The following PAIP2B variants were observed in gnomAD, a reference collection of about 807,000 sequenced individuals.
PAIP2B encodes the protein poly(A) binding protein interacting protein 2B.
In PAIP2B, 13 loss-of-function variants were observed where a neutral mutation model predicts 17.0. The ratio of observed to expected loss-of-function variants is 0.76; its 90% CI spans 0.50 to 1.22. The LOEUF is 1.22. Among genes scored for constraint, PAIP2B ranks in the 50% most tolerant of loss-of-function variants. The probability of loss-of-function intolerance (pLI) is 0.00; values close to 1 mark genes in which losing one functional copy is unlikely to be tolerated. For synonymous variants in PAIP2B, 43 were observed against 48.7 expected (o/e 0.88, Z 0.48); for missense variants, 117 against 144.5 (o/e 0.81, Z 0.98).
At chr2:71,196,357 G>A (rs541191019) in intron 2 of PAIP2B, among the ~76,000 whole-genome samples, 45 of 152,204 alleles carry the variant, frequency 3.0e-4, no homozygotes, top group Non-Finnish European at 5.4e-4. Context: ...TTTTTATTGT[G>A]CTGTGGTCCA....
At chr2:71,215,992 C>T (rs1435295092) in intron 1 of PAIP2B, among the ~76,000 whole-genome samples, 3 of 152,040 alleles carry the variant, frequency 2.0e-5, no homozygotes, top group Non-Finnish European at 4.4e-5. Flanking sequence ...AGTTGAGGTA[C>T]AAATCCTATA....
chr2:71,188,838 C>T (rs1674609452), intron 3 of PAIP2B, among the ~76,000 whole-genome samples: 2 of 152,066 alleles, frequency 1.3e-5, no homozygotes, highest in Non-Finnish European at 2.9e-5. Flanking sequence ...TTGGTGAAAA[C>T]CAGGGTACTC....
At chr2:71,208,105 C>A (rs1644745654) in intron 1 of PAIP2B, among the ~76,000 whole-genome samples, 1 of 151,968 alleles carries the variant, frequency 6.6e-6, no homozygotes, top group South Asian at 2.1e-4. Context: ...CATGACCCAG[C>A]ACTGATGTGT....
At chr2:71,197,911 G>A (rs1197629957) in intron 2 of PAIP2B, among the ~76,000 whole-genome samples, 1 of 152,154 alleles carries the variant, frequency 6.6e-6, no homozygotes, top group African/African-American at 2.4e-5. Flanking sequence ...CACAACACAT[G>A]GGAATTATGG....
chr2:71,188,366 C>CCT lies in PAIP2B; in HGVS notation c.*111_*112dup. 1 of 788,954 alleles carries CCT rather than the reference C, an allele frequency of 1.3e-6. No individual in the cohort carries two copies. Among genetic ancestry groups the CCT allele is most frequent in the South Asian group, 1.6e-5 (1 of 61,644 alleles). 48.9% of individuals were successfully genotyped at this position (788,954 alleles called of 1,614,324 possible). ...CACAGTATTGTGAGACCACCACTCC[C>CCT]CTTCCCGCTGTGCACCCCTCGCCCG... is the stretch of plus-strand genomic sequence containing the variant. On this transcript the variant is annotated 3_prime_UTR_variant, in exon 4 of 4. Transcript: ENST00000244221.
At chr2:71,194,133 GT>G (rs1262582841) in intron 2 of PAIP2B, among the ~76,000 whole-genome samples, 2 of 152,164 alleles carry the variant, frequency 1.3e-5, no homozygotes, top group African/African-American at 4.8e-5. Flanking sequence ...TTGCAGTATA[GT>G]TTGAAGTCAG....
intron 1 of PAIP2B, among the ~76,000 whole-genome samples, chr2:71,208,206 T>G (rs1487405226): frequency 2.0e-5 from 3 of 151,970 alleles, no homozygotes; most frequent in Non-Finnish European, 4.4e-5. Flanking sequence ...GGTGGATCAC[T>G]TGAGGTCAGG....
Position 71,202,597 on chromosome 2 carries a change from G to A in PAIP2B, c.-8C>T, listed in dbSNP as rs766698982. The A allele has an allele frequency of 1.2e-5, 19 of 1,606,240 alleles. No homozygotes were observed. The Admixed American group carries it at 2.4e-4, about 20-fold the overall frequency. On this transcript the variant is annotated 5_prime_UTR_variant, in exon 2 of 4. Transcript: ENST00000244221. Reference sequence around the variant, plus strand: ...CATATTGGATCCATTCATTATGATGGAACCTAAAGAGAAGCAAAAGAAAAG... The same window carrying A: ...CATATTGGATCCATTCATTATGATGAAACCTAAAGAGAAGCAAAAGAAAAG...
chr2:71,219,242 T>C (rs1675517097), intron 1 of PAIP2B, among the ~76,000 whole-genome samples: 1 of 152,096 alleles, frequency 6.6e-6, no homozygotes. Flanking sequence ...AGGGTTTTTC[T>C]TTATATTTTG....
chr2:71,202,530 C>T lies in PAIP2B; in HGVS notation c.60G>A (p.Gly20=). 1.2e-6 allele frequency: 2 copies of T among 1,613,794 alleles called. No homozygotes were observed. The highest frequency in any genetic ancestry group is 1.7e-6 in the Non-Finnish European group (2 of 1,179,710). The change falls in exon 2 of 4, where the codon GGG becomes GGA. Residue 20 remains glycine (G), a synonymous_variant. Transcript: ENST00000244221. The part of the protein sequence containing the change: ...SPSVKSKEDQ[G]LSGHDEKENP... ...TTTCCTTTTCATCGTGCCCACTTAA[C>T]CCCTGGTCCTCTTTGGATTTTACAC... is the stretch of plus-strand genomic sequence containing the variant.
intron 1 of PAIP2B, among the ~76,000 whole-genome samples, chr2:71,215,228 A>T (rs536700914): frequency 6.6e-6 from 1 of 152,250 alleles, no homozygotes; most frequent in Admixed American, 6.5e-5. Flanking sequence ...GAAAGTTATT[A>T]AAAAATGCAG....
Position 71,183,794 on chromosome 2 carries a change from TGAAG to T in PAIP2B, c.*4681_*4684del, listed in dbSNP as rs1674461890. On this transcript the variant is annotated 3_prime_UTR_variant, in exon 4 of 4. Transcript: ENST00000244221. ...GAACAGGATTAACTGTAAAAGAGCA[TGAAG>T]GATCTTATTGGGAGGGATAAAAATG... 1.3e-5 allele frequency: 2 copies of T among 152,208 alleles called. No homozygotes were observed. Among genetic ancestry groups the T allele is most frequent in the Non-Finnish European group, 2.9e-5 (2 of 68,036 alleles). The allele number at this position is 152,208 out of a possible 1,614,324, so 9.4% of individuals were successfully genotyped here. A position where few individuals can be genotyped will look rare whatever the true frequency, so the allele number is the denominator to read the frequency against.
At chr2:71,192,220 C>T (rs1332516638) in intron 2 of PAIP2B, among the ~76,000 whole-genome samples, 3 of 150,400 alleles carry the variant, frequency 2.0e-5, no homozygotes, top group Non-Finnish European at 2.9e-5. Flanking sequence ...TATGGGCACA[C>T]GTTTTATTGC....
At position 71,202,868 on chromosome 2, in the gene PAIP2B, G is replaced by C. The variant is rs576727007; in HGVS notation, c.-11-268C>G. Among the ~76,000 whole-genome samples the C allele has an allele frequency of 2.6e-5, 4 of 152,198 alleles. No homozygotes were observed. The East Asian group carries it at 7.7e-4, about 29-fold the overall frequency. ...AGTCTTTCTAGGCAGGTGGGACAGGGGTGGGAGGGGTAGGAATCTTCCCAT... is the reference window on the plus strand; with the variant it reads ...AGTCTTTCTAGGCAGGTGGGACAGGCGTGGGAGGGGTAGGAATCTTCCCAT... On this transcript the variant is annotated intron_variant, in intron 1 of 3. Transcript: ENST00000244221.
intron 1 of PAIP2B, among the ~76,000 whole-genome samples, chr2:71,223,359 T>C (rs1267719836): frequency 6.6e-6 from 1 of 151,696 alleles, no homozygotes; most frequent in Non-Finnish European, 1.5e-5. Context: ...TGCAGTGAGC[T>C]GAAATCGTGC....
In PAIP2B at chr2:71,188,534, C is replaced by G. The variant is rs774227803; in HGVS notation, c.317G>C (p.Ser106Thr). The G allele has an allele frequency of 1.2e-6, 2 of 1,606,104 alleles. No homozygotes were observed. The highest frequency in any genetic ancestry group is 3.4e-5 in the Admixed American group (2 of 58,950). The change falls in exon 4 of 4, where the codon AGC (serine) becomes ACC (threonine). Residue 106 changes from serine to threonine, a missense_variant and splice_region_variant. Transcript: ENST00000244221. ...GGCATCTGGGTTCAGGTTACTTTTG[C>G]TCTGAAATAAGAACCAAGAGATAGT... ...SEGHDSEDIL[S>T]KSNLNPDAKE...
chr2:71,218,909 CT>C (rs1203229849), intron 1 of PAIP2B, among the ~76,000 whole-genome samples: 8 of 146,864 alleles, frequency 5.4e-5, no homozygotes, highest in Non-Finnish European at 9.0e-5. Context: ...AAAGGTTTTT[CT>C]TTTTTTTTCT....
At chr2:71,207,205 A>G (rs1165803473) in intron 1 of PAIP2B, among the ~76,000 whole-genome samples, 1 of 152,158 alleles carries the variant, frequency 6.6e-6, no homozygotes, top group African/African-American at 2.4e-5. Context: ...CTAGTCCAGG[A>G]GAGAGGGGGA....
chr2:71,203,093 T>C (rs1675027204), intron 1 of PAIP2B, among the ~76,000 whole-genome samples: 1 of 152,186 alleles, frequency 6.6e-6, no homozygotes, highest in African/African-American at 2.4e-5. Flanking sequence ...AAAAGCCACC[T>C]GTTGTCCAGC....
Sources: gnomAD v4.1 joint callset for allele counts (sites outside exome capture counted in the v4.1 genomes callset) on GRCh38, gnomAD v4.1.1 for gene constraint, MANE v1.5 for transcripts, NCBI Gene and HGNC (gene_info 2026-07-23, HGNC 2026-07-21) for gene names.